Variants in CDKAL1 observed in about 807,000 individuals in gnomAD.
CDKAL1 encodes threonylcarbamoyladenosine tRNA methylthiotransferase.
CDKAL1 carries 32 observed loss-of-function variants against 68.2 expected under a neutral mutation model. The observed-to-expected ratio is 0.47, with a 90% CI of 0.35 to 0.63. CDKAL1 has a LOEUF of 0.63. CDKAL1 is among the 30% of genes least tolerant of loss of function. The pLI, the probability that CDKAL1 is intolerant of heterozygous loss-of-function variation, is 0.00. For missense variants in CDKAL1, 606 were observed against 696.7 expected, an observed-to-expected ratio of 0.87 and a Z score of 1.47; for synonymous variants, 234 against 244.3, an observed-to-expected ratio of 0.96 and a Z score of 0.39.
At chr6:20,878,713 G>T (rs1213978396) in intron 9 of CDKAL1, among the ~76,000 whole-genome samples, 1 of 151,984 alleles carries the variant, frequency 6.6e-6, no homozygotes, top group Non-Finnish European at 1.5e-5. Flanking sequence ...TCCAGCCTGG[G>T]TGACAGAGCA....
At chr6:21,108,320 T>TAC in intron 12 of CDKAL1, 81 bp from the exon 13 acceptor site, 1 of 837,094 alleles carries the variant, frequency 1.2e-6, no homozygotes, top group Non-Finnish European at 2.0e-6. Context: ...TAGAGATATA[T>TAC]ACACACATGT....
chr6:21,156,096 AT>A (rs1360231907), intron 13 of CDKAL1, among the ~76,000 whole-genome samples: 4 of 152,162 alleles, frequency 2.6e-5, no homozygotes, highest in African/African-American at 9.7e-5. Flanking sequence ...TCCTAATTTC[AT>A]AAAAATTATT....
At chr6:20,730,467 G>A (rs1292271908) in intron 5 of CDKAL1, among the ~76,000 whole-genome samples, 1 of 147,742 alleles carries the variant, frequency 6.8e-6, no homozygotes. Context: ...GGAAAGAAAA[G>A]AAAGAAGGAA....
chr6:20,674,806 A>G (rs1770013674), intron 5 of CDKAL1, among the ~76,000 whole-genome samples: 1 of 152,172 alleles, frequency 6.6e-6, no homozygotes, highest in African/African-American at 2.4e-5. Flanking sequence ...CACATGAGTG[A>G]GAAGATGCAG....
chr6:20,699,226 CTT>C (rs1329822956), intron 5 of CDKAL1, among the ~76,000 whole-genome samples: 2 of 152,014 alleles, frequency 1.3e-5, no homozygotes, highest in African/African-American at 4.8e-5. Context: ...AGGTGACACA[CTT>C]TAATGTATTA....
intron 4 of CDKAL1, among the ~76,000 whole-genome samples, chr6:20,581,990 A>G (rs777649205): frequency 3.9e-5 from 6 of 152,216 alleles, no homozygotes; most frequent in Non-Finnish European, 7.4e-5. Context: ...TATAAGTTGT[A>G]TAGATAAGTG....
rs544835898 is a variant in CDKAL1 at position 20,543,340 on chromosome 6, G to A, written c.-5-3006G>A. 4.4e-4 allele frequency among the ~76,000 whole-genome samples: 67 copies of A among 152,286 alleles called. 1 individual carries two copies. The South Asian group carries it at 5.8e-3, about 13-fold the overall frequency. On this transcript the variant is annotated intron_variant, in intron 2 of 15. Transcript: ENST00000274695. Reference sequence around the variant, plus strand: ...CTTGCCGGTGTTTGGTGGTTTCACTGTTGTCTGTTTTATCCATTCTGAAAG... The same window carrying A: ...CTTGCCGGTGTTTGGTGGTTTCACTATTGTCTGTTTTATCCATTCTGAAAG...
chr6:20,974,869 C>G (rs1386262837), intron 10 of CDKAL1, among the ~76,000 whole-genome samples: 2 of 148,612 alleles, frequency 1.3e-5, no homozygotes, highest in African/African-American at 5.0e-5. Flanking sequence ...GTACCCCCTA[C>G]TCAGGAGGCT....
rs1771361894 is a variant in CDKAL1 at position 21,065,106 on chromosome 6, C to G, written c.1114C>G (p.Gln372Glu). 1 of 1,605,322 alleles carries G rather than the reference C, an allele frequency of 6.2e-7. No individual in the cohort carries two copies. The highest frequency in any genetic ancestry group is 1.3e-5 in the African/African-American group (1 of 74,620). ...CTGTGGTTTTCCTGGAGAAACAGAT[C>G]AGGATTTTCAAGAAACAGTGAAACT... ...IICGFPGETD[Q>E]DFQETVKLVE... Residue 372 changes from glutamine to glutamate, a missense_variant, in exon 12 of 16, where the codon CAG becomes GAG. By Grantham distance (29) the Gln-to-Glu change is conservative. Coordinates refer to ENST00000274695, the MANE Select transcript of CDKAL1 (RefSeq NM_017774.3).
intron 10 of CDKAL1, among the ~76,000 whole-genome samples, chr6:20,965,786 A>G (rs1765277956): frequency 6.6e-6 from 1 of 152,240 alleles, no homozygotes; most frequent in African/African-American, 2.4e-5. Flanking sequence ...GTGCAGTTCA[A>G]ACTCCATAAT....
chr6:20,921,278 A>C (rs1229237197), intron 9 of CDKAL1, among the ~76,000 whole-genome samples: 1 of 152,084 alleles, frequency 6.6e-6, no homozygotes, highest in Non-Finnish European at 1.5e-5. Context: ...AAAATACAAA[A>C]ATTAGCTGGG....
intron 13 of CDKAL1, among the ~76,000 whole-genome samples, chr6:21,171,422 C>T (rs959829019): frequency 2.0e-5 from 3 of 152,096 alleles, no homozygotes; most frequent in Non-Finnish European, 2.9e-5. Flanking sequence ...CCATGTTAGC[C>T]AGGCTGGTCT....
At chr6:20,943,346 AAAAAG>A (rs1561903814) in intron 9 of CDKAL1, among the ~76,000 whole-genome samples, 3 of 48,690 alleles carry the variant, frequency 6.2e-5, no homozygotes, top group African/African-American at 2.1e-4. Flanking sequence ...AAAAAAAAAG[AAAAAG>A]AAAAAAAGAA....
At chr6:21,039,701 A>G (rs968852045) in intron 11 of CDKAL1, among the ~76,000 whole-genome samples, 5 of 152,242 alleles carry the variant, frequency 3.3e-5, no homozygotes, top group African/African-American at 4.8e-5. Context: ...TCTATAAAAT[A>G]TGGAATCAGA....
Position 20,798,617 on chromosome 6 carries a change from C to A in CDKAL1, c.638+17352C>A, listed in dbSNP as rs193190902. 6.9e-3 allele frequency among the ~76,000 whole-genome samples: 1,050 copies of A among 152,092 alleles called. 11 individuals carry two copies. Among genetic ancestry groups the A allele is most frequent in the Middle Eastern group, 0.027 (8 of 294 alleles). Reference sequence around the variant, plus strand: ...GATGAGTTCACATCCTTTGTAGGGACATGGATGAAGCTGGAAACCATCATT... The same window carrying A: ...GATGAGTTCACATCCTTTGTAGGGAAATGGATGAAGCTGGAAACCATCATT... On this transcript the variant is annotated intron_variant, in intron 8 of 15. Transcript: ENST00000274695.
intron 9 of CDKAL1, among the ~76,000 whole-genome samples, chr6:20,911,987 A>T (rs1647433153): frequency 6.6e-6 from 1 of 152,226 alleles, no homozygotes; most frequent in African/African-American, 2.4e-5. Flanking sequence ...GATCAAAGTC[A>T]GATGGGATCT....
At chr6:21,003,351 T>TAC (rs1161890529) in intron 11 of CDKAL1, among the ~76,000 whole-genome samples, 6 of 45,708 alleles carry the variant, frequency 1.3e-4, no homozygotes, top group African/African-American at 8.4e-4. Context: ...TAAATATATA[T>TAC]ATATATATAT....
chr6:21,099,349 C>G (rs1773470556), intron 12 of CDKAL1, among the ~76,000 whole-genome samples: 1 of 152,152 alleles, frequency 6.6e-6, no homozygotes, highest in Non-Finnish European at 1.5e-5. Flanking sequence ...ATGAGCACGG[C>G]TGTGTTCCAA....
At chr6:21,096,048 G>A (rs1342965623) in intron 12 of CDKAL1, among the ~76,000 whole-genome samples, 1 of 152,174 alleles carries the variant, frequency 6.6e-6, no homozygotes, top group Non-Finnish European at 1.5e-5. Flanking sequence ...ATGTAGAAAG[G>A]AGAGTTATCA....
Sources: allele counts gnomAD v4.1 joint callset (sites outside exome capture counted in the v4.1 genomes callset), GRCh38; gene constraint gnomAD v4.1.1; transcripts MANE v1.5; gene names NCBI Gene and HGNC (gene_info 2026-07-23, HGNC 2026-07-21).